Variants in RAP1A observed in about 807,000 individuals in gnomAD.
RAP1A encodes the protein ras-related protein Rap-1A.
In RAP1A, 6 loss-of-function variants were observed where a neutral mutation model predicts 26.4. The observed-to-expected ratio is 0.23, with a 90% confidence interval of 0.12 to 0.45. The LOEUF is 0.45. Ranked by LOEUF, RAP1A falls within the 20% of genes least tolerant of loss-of-function variation. The pLI, the probability that RAP1A is intolerant of heterozygous loss-of-function variation, is 0.99. For synonymous variants in RAP1A, 73 were observed against 79.4 expected (o/e 0.92, Z 0.43); for missense variants, 121 against 217.2 (o/e 0.56, Z 2.78).
chr1:111,634,123 CAT>C (rs1192791580), intron 1 of RAP1A, among the ~76,000 whole-genome samples: 2 of 152,156 alleles, frequency 1.3e-5, no homozygotes, highest in Non-Finnish European at 2.9e-5. Flanking sequence ...CAAAGATGGA[CAT>C]GTGAAGTTTT....
chr1:111,702,557 A>G (rs1466527161), intron 4 of RAP1A, among the ~76,000 whole-genome samples: 2 of 151,912 alleles, frequency 1.3e-5, no homozygotes, highest in African/African-American at 4.8e-5. Flanking sequence ...ATGAAAATAC[A>G]TGAACAAGCT....
intron 1 of RAP1A, among the ~76,000 whole-genome samples, chr1:111,661,069 G>A (rs190628375): frequency 6.6e-6 from 1 of 152,234 alleles, no homozygotes; most frequent in African/African-American, 2.4e-5. Flanking sequence ...ATGCATTGGA[G>A]AAGATGTAAG....
chr1:111,628,607 T>C (rs1659472523), intron 1 of RAP1A, among the ~76,000 whole-genome samples: 1 of 152,044 alleles, frequency 6.6e-6, no homozygotes, highest in Admixed American at 6.6e-5. Context: ...AAAGAATGAA[T>C]TGAGGAAGGA....
chr1:111,656,621 G>T (rs923197498), intron 1 of RAP1A, among the ~76,000 whole-genome samples: 1 of 152,002 alleles, frequency 6.6e-6, no homozygotes, highest in Non-Finnish European at 1.5e-5. Context: ...GTTCTCAGTC[G>T]CATCTTAATT....
chr1:111,655,796 C>T (rs1190617390), intron 1 of RAP1A, among the ~76,000 whole-genome samples: 1 of 151,578 alleles, frequency 6.6e-6, no homozygotes, highest in East Asian at 1.9e-4. Flanking sequence ...GCCTCAGCCT[C>T]CCGAGTAGCT....
At chr1:111,697,267 A>G (rs1412087073) in intron 3 of RAP1A, among the ~76,000 whole-genome samples, 174 bp from the exon 4 acceptor site, 1 of 152,190 alleles carries the variant, frequency 6.6e-6, no homozygotes, top group Non-Finnish European at 1.5e-5. Context: ...AATAGACTGT[A>G]CTTGAGACCG....
chr1:111,599,643 G>A (rs1658630044), intron 1 of RAP1A: 1 of 152,168 alleles, frequency 6.6e-6, no homozygotes, highest in African/African-American at 2.4e-5. Context: ...GCCCCATCCT[G>A]AAGCTACCAA....
rs187971508 is a variant in RAP1A at position 111,636,506 on chromosome 1, G to A, written c.-28+16572G>A. On this transcript the variant is annotated intron_variant, in intron 1 of 7. Transcript: ENST00000369709. ...AAATTTTTTTTTTTTTTTTGGAGAC[G>A]GAGTTTCGTTCTTGTTGCCCAGGCT... Among the ~76,000 whole-genome samples the A allele has an allele frequency of 9.7e-4, 146 of 149,790 alleles. 2 individuals carry two copies. The highest frequency in any genetic ancestry group is 3.5e-3 in the African/African-American group (141 of 40,710).
At chr1:111,632,996 A>G (rs1659619119) in intron 1 of RAP1A, among the ~76,000 whole-genome samples, 1 of 151,560 alleles carries the variant, frequency 6.6e-6, no homozygotes, top group African/African-American at 2.4e-5. Flanking sequence ...ATCTGTCACC[A>G]TTTGTGGCAG....
intron 1 of RAP1A, among the ~76,000 whole-genome samples, chr1:111,612,488 G>T (rs1485577789): frequency 6.6e-6 from 1 of 152,048 alleles, no homozygotes; most frequent in Non-Finnish European, 1.5e-5. Flanking sequence ...TTTCTCCATG[G>T]GTATCTTCCA....
At chr1:111,652,923 G>A (rs1660320312) in intron 1 of RAP1A, among the ~76,000 whole-genome samples, 2 of 152,192 alleles carry the variant, frequency 1.3e-5, no homozygotes, top group Non-Finnish European at 2.9e-5. Flanking sequence ...TTGCTGCTAG[G>A]TATATACCCA....
intron 1 of RAP1A, among the ~76,000 whole-genome samples, chr1:111,567,189 G>T (rs945447335): frequency 2.6e-5 from 4 of 152,152 alleles, no homozygotes; most frequent in East Asian, 3.8e-4. Context: ...ACTACATTAT[G>T]AATGCAGTTA....
In RAP1A at chr1:111,703,314, T is replaced by A; in HGVS notation, c.184-22T>A. Reference sequence around the variant, plus strand: ...ATTCAAGAAATTTATATATTTATAATTGCATATTTTTTAAATCATAGGAGC... The same window carrying A: ...ATTCAAGAAATTTATATATTTATAAATGCATATTTTTTAAATCATAGGAGC... On this transcript the variant is annotated intron_variant, in intron 4 of 7. Coordinates refer to ENST00000369709, the MANE Select transcript of RAP1A (RefSeq NM_002884.4). 2.1e-6 allele frequency: 3 copies of A among 1,458,914 alleles called. 1 individual carries two copies. The South Asian group carries it at 4.1e-5, about 20-fold the overall frequency. 90.4% of individuals were successfully genotyped at this position (1,458,914 alleles called of 1,614,324 possible).
In RAP1A at chr1:111,590,314, G is replaced by A. The variant is rs143854594; in HGVS notation, c.-28+47805G>A. 2.2e-3 allele frequency among the ~76,000 whole-genome samples: 337 copies of A among 152,200 alleles called. 1 individual carries two copies. The highest frequency in any genetic ancestry group is 7.8e-3 in the African/African-American group (323 of 41,506). On this transcript the variant is annotated intron_variant, in intron 1 of 7. Transcript: ENST00000356415. ...GACCCCCAGTACTAAATTTAATAGAGGTAGTGATGGTGGACATTCTTGTCT... is the reference window on the plus strand; with the variant it reads ...GACCCCCAGTACTAAATTTAATAGAAGTAGTGATGGTGGACATTCTTGTCT...
chr1:111,652,763 G>C (rs1453852226), intron 1 of RAP1A, among the ~76,000 whole-genome samples: 1 of 152,148 alleles, frequency 6.6e-6, no homozygotes, highest in Non-Finnish European at 1.5e-5. Context: ...CTCATACATT[G>C]CTGATGAGAA....
intron 1 of RAP1A, chr1:111,602,202 TTTC>T: frequency 6.6e-6 from 1 of 152,340 alleles, no homozygotes; most frequent in Middle Eastern, 3.4e-3. Context: ...CTGTGGTCCC[TTTC>T]TTCTTGTAGG....
In RAP1A at chr1:111,631,204, C is replaced by A. The variant is rs1659557848; in HGVS notation, c.-28+11270C>A. 1.3e-5 allele frequency among the ~76,000 whole-genome samples: 2 copies of A among 152,140 alleles called. 1 individual carries two copies. The highest frequency in any genetic ancestry group is 4.1e-4 in the South Asian group (2 of 4,832). On this transcript the variant is annotated intron_variant, in intron 1 of 7. Coordinates refer to ENST00000369709, the MANE Select transcript of RAP1A (RefSeq NM_002884.4). ...TGTACTTATCCCTTCAAGATCCTAG[C>A]ACTGGGTTTTGTTAGTTTTTAAGTC...
At chr1:111,583,484 A>G (rs910694874) in intron 1 of RAP1A, among the ~76,000 whole-genome samples, 27 of 148,994 alleles carry the variant, frequency 1.8e-4, no homozygotes, top group Admixed American at 6.0e-4. Flanking sequence ...AAAAAAAAAT[A>G]CAGTCAGTTT....
At chr1:111,668,753 T>C (rs1298677603) in intron 1 of RAP1A, among the ~76,000 whole-genome samples, 2 of 152,076 alleles carry the variant, frequency 1.3e-5, no homozygotes, top group African/African-American at 4.8e-5. Context: ...ATAGGCTGTA[T>C]GCGGTGATGC....
Sources: gnomAD v4.1 joint callset for allele counts (sites outside exome capture counted in the v4.1 genomes callset) on GRCh38, gnomAD v4.1.1 for gene constraint, MANE v1.5 for transcripts, NCBI Gene and HGNC (gene_info 2026-07-23, HGNC 2026-07-21) for gene names.